Variants in EEF2 observed in about 807,000 individuals in gnomAD.
EEF2 encodes the protein eukaryotic translation elongation factor 2, also known as elongation factor 2.
A neutral mutation model predicts 85.3 loss-of-function variants in EEF2; 21 were observed. The observed-to-expected ratio is 0.25, with a 90% CI of 0.17 to 0.35. EEF2 has a LOEUF of 0.35. Ranked by LOEUF, EEF2 falls within the 10% of genes least tolerant of loss-of-function variation. EEF2 has a pLI of 1.00. For missense variants in EEF2, 825 were observed against 1,225.3 expected (o/e 0.67, Z 4.88); for synonymous variants, 723 against 508.8 (o/e 1.42, Z -5.67).
intron 2 of EEF2, among the ~76,000 whole-genome samples, chr19:3,983,623 C>T (rs1481552100): frequency 3.9e-5 from 6 of 152,176 alleles, no homozygotes; most frequent in African/African-American, 1.4e-4. Flanking sequence ...GAGACTCCGA[C>T]CCTCCCCTCC....
rs372775627 is a variant in EEF2 at position 3,983,094 on chromosome 19, G to C, written c.400+16C>G. ...CCCCGGTTCCAGGCCGTGCCTCAGGGGGACCCACTGCTTACCTGACACGCA... is the reference window on the plus strand; with the variant it reads ...CCCCGGTTCCAGGCCGTGCCTCAGGCGGACCCACTGCTTACCTGACACGCA... On this transcript the variant is annotated intron_variant, in intron 3 of 14. Transcript: ENST00000309311. 1.2e-6 allele frequency: 2 copies of C among 1,612,556 alleles called. No homozygotes were observed. Among genetic ancestry groups the C allele is most frequent in the Non-Finnish European group, 1.7e-6 (2 of 1,178,890 alleles).
intron 10 of EEF2, among the ~76,000 whole-genome samples, 178 bp downstream of exon 10, chr19:3,979,630 A>C (rs1311799999): frequency 6.6e-6 from 1 of 152,266 alleles, no homozygotes; most frequent in Non-Finnish European, 1.5e-5. Context: ...AGAGCAGCCT[A>C]GGAGAGGGTG....
In EEF2 at chr19:3,977,344, G is replaced by A. The variant is rs770310895; in HGVS notation, c.2254C>T (p.Pro752Ser). 9 of 1,591,304 alleles carry A rather than the reference G, an allele frequency of 5.7e-6. No individual in the cohort carries two copies. The highest frequency in any genetic ancestry group is 7.7e-6 in the Non-Finnish European group (9 of 1,169,342). Residue 752 changes from proline (P) to serine (S), a missense_variant, in exon 14 of 15, where the codon CCA becomes TCA. Transcript: ENST00000309311. This position sits in a 1 kb window ranked among gnomAD's most constrained non-coding sequence, Gnocchi z 5.4. ...EPIYLVEIQC[P>S]EQVVGGIYGV... ...TAGATGCCACCGACCACCTGCTCTG[G>A]ACACTGCCAGAAGGGAAAGAAAACC...
In EEF2 at chr19:3,980,624, G is replaced by A. The variant is rs534809447; in HGVS notation, c.1236C>T (p.Ala412=). The change falls in exon 9 of 15, where the codon GCC becomes GCT. Residue 412 remains alanine (A), a synonymous_variant. Coordinates refer to ENST00000309311, the MANE Select transcript of EEF2 (RefSeq NM_001961.4). Reference sequence around the variant, plus strand: ...CCAGCCCCGAGAAGACTCGTCCAAAGGCGTAGAACCGACCTTTGTCGGAGG... The same window carrying A: ...CCAGCCCCGAGAAGACTCGTCCAAAAGCGTAGAACCGACCTTTGTCGGAGG... ...VPTSDKGRFY[A]FGRVFSGLVS... The A allele has an allele frequency of 7.4e-6, 12 of 1,614,122 alleles. No homozygotes were observed. The highest frequency in any genetic ancestry group is 6.7e-5 in the African/African-American group (5 of 74,954).
intron 11 of EEF2, among the ~76,000 whole-genome samples, chr19:3,978,999 G>A (rs560567491): frequency 2.4e-4 from 37 of 151,728 alleles, no homozygotes; most frequent in East Asian, 1.7e-3. Context: ...GTGGTAGCAC[G>A]CGCCTGTAGT....
chr19:3,980,048 G>T lies in EEF2; in HGVS notation c.1365C>A (p.Gly455=), dbSNP rs763296225. 1 of 1,613,232 alleles carries T rather than the reference G, an allele frequency of 6.2e-7. No homozygotes were observed. Among genetic ancestry groups the T allele is most frequent in the Non-Finnish European group, 8.5e-7 (1 of 1,179,930 alleles). The change falls in exon 10 of 15, where the codon GGC becomes GGA. Residue 455 remains glycine (G), a synonymous_variant. Transcript: ENST00000309311. The part of the protein sequence containing the change: ...KPIQRTILMM[G]RYVEPIEDVP... ...CATCCTCGATGGGCTCCACGTAGCG[G>T]CCCATCATCAAGATTGTTCTGGAAG...
At chr19:3,976,941 C>T (rs1194570105) in intron 14 of EEF2, among the ~76,000 whole-genome samples, 194 bp from the exon 15 acceptor site, 1 of 152,234 alleles carries the variant, frequency 6.6e-6, no homozygotes, top group Non-Finnish European at 1.5e-5. Flanking sequence ...TTTGGGACAA[C>T]CCTGTGCTAC....
intron 2 of EEF2, 46 bp from the exon 3 acceptor site, chr19:3,983,337 G>A (rs1479371539): frequency 1.9e-6 from 3 of 1,582,672 alleles, no homozygotes; most frequent in African/African-American, 2.7e-5. Flanking sequence ...CCACACACCT[G>A]GCCCAGGGAG....
rs1213224962 is a variant in EEF2, at chr19:3,979,802, G to A, written c.1605+6C>T. 2 of 1,609,554 alleles carry A rather than the reference G, an allele frequency of 1.2e-6. No homozygotes were observed. Among genetic ancestry groups the A allele is most frequent in the East Asian group, 2.2e-5 (1 of 44,778 alleles). The stretch of plus-strand genomic sequence containing the variant: ...TCTGCTCCCAGCAGGTGCACTCCGT[G>A]CCCACCTGCACCATGGGGTCGGACT... On this transcript the variant is annotated splice_donor_region_variant and intron_variant, in intron 10 of 14. Transcript: ENST00000309311.
Position 3,977,357 on chromosome 19 carries a change from G to T in EEF2, c.2251-10C>A, listed in dbSNP as rs755091330. 2.5e-6 allele frequency: 4 copies of T among 1,591,096 alleles called. No individual in the cohort carries two copies. In the East Asian group the frequency reaches 9.1e-5, roughly 36 times the overall value. On this transcript the variant is annotated splice_polypyrimidine_tract_variant and intron_variant, in intron 13 of 14. Transcript: ENST00000309311. This position sits in a 1 kb window ranked among gnomAD's most constrained non-coding sequence, Gnocchi z 5.4. ...CCACCTGCTCTGGACACTGCCAGAA[G>T]GGAAAGAAAACCTGTCAGTGGCCGC...
intron 5 of EEF2, 26 bp from the exon 6 acceptor site, chr19:3,982,078 C>T (rs2039756173): frequency 9.3e-6 from 15 of 1,612,614 alleles, no homozygotes; most frequent in East Asian, 8.9e-5. Context: ...CAAGCCAAAT[C>T]AAGTTAGGGT....
In EEF2 at chr19:3,984,491, C is replaced by T. The variant is rs118129667; in HGVS notation, c.4-141G>A. On this transcript the variant is annotated intron_variant, in intron 1 of 14. Coordinates refer to ENST00000309311, the MANE Select transcript of EEF2 (RefSeq NM_001961.4). ...GGTGCCCCAAGCCCACCGAATCTTG[C>T]CAGCCTAACACCCCTTAAGAGCCAC... is the stretch of plus-strand genomic sequence containing the variant. 10,806 of 836,910 alleles carry T rather than the reference C, an allele frequency of 0.013. 91 individuals carry two copies. Among genetic ancestry groups the T allele is most frequent in the Non-Finnish European group, 0.017 (8,674 of 523,384 alleles). The allele number at this position is 836,910 out of a possible 1,614,324, so 51.8% of individuals were successfully genotyped here. A position where few individuals can be genotyped will look rare whatever the true frequency, so the allele number is the denominator to read the frequency against.
rs1292796894 is a variant in EEF2, at chr19:3,977,443, G to A, written c.2235C>T (p.Tyr745=). 6.3e-7 allele frequency: 1 copy of A among 1,583,682 alleles called. No homozygotes were observed. Among genetic ancestry groups the A allele is most frequent in the Non-Finnish European group, 8.6e-7 (1 of 1,165,492 alleles). ...TAQPRLMEPI[Y]LVEIQCPEQV... ...TAGACCTCACCTGGATCTCCACAAG[G>A]TAGATGGGCTCCATGAGGCGTGGCT... is the stretch of plus-strand genomic sequence containing the variant. The change falls in exon 13 of 15, where the codon TAC becomes TAT. Residue 745 remains tyrosine (Y), a synonymous_variant. Transcript: ENST00000309311. The surrounding 1 kb of genome is among the most constrained non-coding windows in gnomAD (Gnocchi z 5.4).
At chr19:3,984,054 T>C (rs2039789681) in intron 2 of EEF2, 82 bp downstream of exon 2, 3 of 1,486,268 alleles carry the variant, frequency 2.0e-6, no homozygotes, top group Middle Eastern at 2.4e-4. Context: ...GCCAAGTCTC[T>C]CCCCGCGCAC....
rs1226577835 is a variant in EEF2, at chr19:3,979,857, T to A, written c.1556A>T (p.Lys519Met). 1 of 1,613,634 alleles carries A rather than the reference T, an allele frequency of 6.2e-7. No homozygotes were observed. The highest frequency in any genetic ancestry group is 1.3e-5 in the African/African-American group (1 of 74,926). The change falls in exon 10 of 15, where the codon AAG (lysine) becomes ATG (methionine). Residue 519 changes from lysine to methionine, a missense_variant. Physicochemically the swap from Lys to Met is moderately conservative, Grantham distance 95. Coordinates refer to ENST00000309311, the MANE Select transcript of EEF2 (RefSeq NM_001961.4). The stretch of plus-strand genomic sequence containing the variant: ...CAGCCGCTTCAGCCCCTCCACCAGC[T>A]TGGGCAGGTCAGCCGGGTTCTTGGC... ...VEAKNPADLP[K>M]LVEGLKRLAK...
At chr19:3,978,210 A>C in intron 11 of EEF2, 38 bp from the exon 12 acceptor site, 1 of 1,430,892 alleles carries the variant, frequency 7.0e-7, no homozygotes, top group Non-Finnish European at 9.2e-7. Context: ...TGCCTGGAGA[A>C]AGAGGTGACC....
chr19:3,980,902 C>A lies in EEF2; in HGVS notation c.1089G>T (p.Thr363=), dbSNP rs145638690. ...GGAGCTCGCAGCGGTACTTCTGGGC[C>A]GTCACAGGGGAGGGCAGGTGGATGG... The part of the protein sequence containing the change: ...MITIHLPSPV[T]AQKYRCELLY... The change falls in exon 8 of 15, where the codon ACG becomes ACT. Residue 363 remains threonine, a synonymous_variant. Coordinates refer to ENST00000309311, the MANE Select transcript of EEF2 (RefSeq NM_001961.4). 16 of 1,565,646 alleles carry A rather than the reference C, an allele frequency of 1.0e-5. No individual in the cohort carries two copies. The highest frequency in any genetic ancestry group is 3.5e-6 in the Non-Finnish European group (4 of 1,156,434).
chr19:3,976,544 G>A lies in EEF2; in HGVS notation c.*10C>T, dbSNP rs1415350809. On this transcript the variant is annotated 3_prime_UTR_variant, in exon 15 of 15. Coordinates refer to ENST00000309311, the MANE Select transcript of EEF2 (RefSeq NM_001961.4). ...GTCCCCGGGGCGGCAGGCGCTGCAG[G>A]AAGGGCCGCCTACAATTTGTCCAGG... 3 of 1,598,424 alleles carry A rather than the reference G, an allele frequency of 1.9e-6. No individual in the cohort carries two copies. Among genetic ancestry groups the A allele is most frequent in the Non-Finnish European group, 2.6e-6 (3 of 1,172,954 alleles).
chr19:3,983,944 G>A (rs2039787919), intron 2 of EEF2, 192 bp downstream of exon 2: 1 of 634,252 alleles, frequency 1.6e-6, no homozygotes, highest in Non-Finnish European at 2.7e-6. Flanking sequence ...AAACCTTCCA[G>A]CTCGCAGTAC....
Sources: gnomAD v4.1 joint callset for allele counts (sites outside exome capture counted in the v4.1 genomes callset) on GRCh38, gnomAD v4.1.1 for gene constraint, Gnocchi (gnomAD v3.1) non-coding constraint, MANE v1.5 for transcripts, NCBI Gene and HGNC (gene_info 2026-07-23, HGNC 2026-07-21) for gene names.